The following GULP1 variants were observed in gnomAD, a reference collection of about 807,000 sequenced individuals.
GULP1 encodes the protein PTB domain-containing engulfment adapter protein 1.
Under a neutral mutation model 40.9 loss-of-function variants are expected in GULP1, and 19 were observed. That is an observed-to-expected ratio of 0.46 (90% CI 0.32 to 0.68). The LOEUF is 0.68. Ranked by LOEUF, GULP1 falls within the 30% of genes least tolerant of loss-of-function variation. The pLI is 0.03. For missense variants in GULP1, 312 were observed against 362.2 expected, an observed-to-expected ratio of 0.86 and a Z score of 1.12; for synonymous variants, 119 against 117.6, an observed-to-expected ratio of 1.01 and a Z score of -0.08.
chr2:188,298,957 C>T (rs114754558), intron 1 of GULP1, among the ~76,000 whole-genome samples: 393 of 152,242 alleles, frequency 2.6e-3, no homozygotes, highest in African/African-American at 8.2e-3. Context: ...GCACACCAGA[C>T]AAGGGAGGAG....
intron 1 of GULP1, among the ~76,000 whole-genome samples, chr2:188,311,628 A>C (rs2038120616): frequency 6.6e-6 from 1 of 151,794 alleles, no homozygotes; most frequent in South Asian, 2.1e-4. Context: ...AATTTTAACA[A>C]AATTGATTTT....
intron 1 of GULP1, among the ~76,000 whole-genome samples, chr2:188,382,075 G>A (rs1045355501): frequency 1.3e-5 from 2 of 152,018 alleles, no homozygotes; most frequent in Non-Finnish European, 2.9e-5. Flanking sequence ...GTTGCTTTTT[G>A]TAGTAGATGC....
intron 2 of GULP1, among the ~76,000 whole-genome samples, chr2:188,436,103 C>T (rs1485399723): frequency 1.3e-5 from 2 of 152,064 alleles, no homozygotes; most frequent in Non-Finnish European, 2.9e-5. Flanking sequence ...GTCCTTCCCA[C>T]CCTCAAGGGG....
Position 188,507,102 on chromosome 2 carries a change from G to A in GULP1, c.91-15654G>A, listed in dbSNP as rs1050331534. Among the ~76,000 whole-genome samples, 7 of 152,052 alleles carry A rather than the reference G, an allele frequency of 4.6e-5. No individual in the cohort carries two copies. The East Asian group carries it at 1.2e-3, about 25-fold the overall frequency. On this transcript the variant is annotated intron_variant, in intron 4 of 11. Coordinates refer to ENST00000409830, the MANE Select transcript of GULP1 (RefSeq NM_016315.4). Reference sequence around the variant, plus strand: ...GGCTCCTGGCAGGATTTCTATAGGCGTAGATTGACAGATGGGGTTCTAGTA... The same window carrying A: ...GGCTCCTGGCAGGATTTCTATAGGCATAGATTGACAGATGGGGTTCTAGTA...
intron 1 of GULP1, among the ~76,000 whole-genome samples, chr2:188,362,077 T>C (rs1390466563): frequency 6.6e-6 from 1 of 152,084 alleles, no homozygotes; most frequent in Non-Finnish European, 1.5e-5. Context: ...CATATACTTC[T>C]GCCTTTCAGT....
intron 7 of GULP1, among the ~76,000 whole-genome samples, chr2:188,567,872 C>G (rs961889450): frequency 6.6e-6 from 1 of 152,136 alleles, no homozygotes; most frequent in East Asian, 1.9e-4. Context: ...CATAATCCCA[C>G]AATCTATCAA....
intron 1 of GULP1, among the ~76,000 whole-genome samples, chr2:188,331,262 C>T (rs1321565517): frequency 6.6e-6 from 1 of 152,206 alleles, no homozygotes; most frequent in Non-Finnish European, 1.5e-5. Context: ...ATGAACACCA[C>T]ATCCCTGAGA....
chr2:188,521,049 A>C (rs1020266542), intron 4 of GULP1, among the ~76,000 whole-genome samples: 3 of 152,136 alleles, frequency 2.0e-5, no homozygotes, highest in African/African-American at 4.8e-5. Flanking sequence ...TGTAGTTTAC[A>C]AACACGTATT....
At chr2:188,430,897 A>G (rs1351495427) in intron 2 of GULP1, among the ~76,000 whole-genome samples, 1 of 152,208 alleles carries the variant, frequency 6.6e-6, no homozygotes, top group Non-Finnish European at 1.5e-5. Context: ...ACTCAAGGAG[A>G]TTAAGAATCT....
intron 2 of GULP1, among the ~76,000 whole-genome samples, chr2:188,437,729 G>A (rs1422399572): frequency 6.6e-6 from 1 of 152,068 alleles, no homozygotes; most frequent in African/African-American, 2.4e-5. Flanking sequence ...TATACAGCAT[G>A]GAATACTATA....
intron 1 of GULP1, among the ~76,000 whole-genome samples, chr2:188,340,620 C>T (rs1194415428): frequency 6.6e-6 from 1 of 152,124 alleles, no homozygotes; most frequent in African/African-American, 2.4e-5. Context: ...GCTCAGTAGG[C>T]CCTCTGTCTT....
In GULP1 at chr2:188,538,828, CA is replaced by C. The variant is rs568722014; in HGVS notation, c.262-2346del. On this transcript the variant is annotated intron_variant, in intron 6 of 11. Transcript: ENST00000409830. Reference sequence around the variant, plus strand: ...CAAGGACATATACATAAGTGACACACAAAAAAATCAATCATTTCATTCTAGA... The same window carrying C: ...CAAGGACATATACATAAGTGACACACAAAAAATCAATCATTTCATTCTAGA... Among the ~76,000 whole-genome samples the C allele has an allele frequency of 9.5e-4, 143 of 150,852 alleles. No homozygotes were observed. In the East Asian group the frequency reaches 0.011, roughly 11 times the overall value.
At chr2:188,528,792 A>G (rs1686823136) in intron 5 of GULP1, among the ~76,000 whole-genome samples, 1 of 152,172 alleles carries the variant, frequency 6.6e-6, no homozygotes, top group Non-Finnish European at 1.5e-5. Flanking sequence ...ATCTCTACAT[A>G]TCTTCCCACA....
At chr2:188,486,117 T>G (rs2061840863) in intron 4 of GULP1, among the ~76,000 whole-genome samples, 2 of 152,014 alleles carry the variant, frequency 1.3e-5, no homozygotes, top group Admixed American at 1.3e-4. Flanking sequence ...AAGCAACAGT[T>G]TGGATTGTAA....
intron 2 of GULP1, among the ~76,000 whole-genome samples, chr2:188,419,393 T>A (rs925713051): frequency 1.3e-5 from 2 of 152,106 alleles, no homozygotes; most frequent in Non-Finnish European, 2.9e-5. Flanking sequence ...ATAATAGCCA[T>A]CCCTAACAGG....
intron 2 of GULP1, among the ~76,000 whole-genome samples, chr2:188,416,328 T>C (rs985178538): frequency 6.6e-6 from 1 of 152,178 alleles, no homozygotes; most frequent in Non-Finnish European, 1.5e-5. Context: ...ATTATGGTGA[T>C]AGTTACACGA....
chr2:188,334,757 C>T (rs1483800716), intron 1 of GULP1, among the ~76,000 whole-genome samples: 2 of 152,130 alleles, frequency 1.3e-5, no homozygotes, highest in African/African-American at 4.8e-5. Context: ...AATTCCAAAG[C>T]TATTATAAAA....
chr2:188,536,119 C>A (rs1403073969), intron 6 of GULP1, among the ~76,000 whole-genome samples: 2 of 151,990 alleles, frequency 1.3e-5, no homozygotes, highest in Non-Finnish European at 2.9e-5. Context: ...GCATAGTTTG[C>A]AAATATTTTC....
chr2:188,463,546 A>G (rs1553561028), intron 2 of GULP1, among the ~76,000 whole-genome samples: 1 of 151,948 alleles, frequency 6.6e-6, no homozygotes, highest in African/African-American at 2.4e-5. Context: ...GGGTATTGAT[A>G]TATTTCTCTA....
Sources: allele counts gnomAD v4.1 joint callset (sites outside exome capture counted in the v4.1 genomes callset), GRCh38; gene constraint gnomAD v4.1.1; transcripts MANE v1.5; gene names NCBI Gene and HGNC (gene_info 2026-07-23, HGNC 2026-07-21).